The following PCDHGA2 variants were observed in gnomAD, a reference collection of about 807,000 sequenced individuals.
PCDHGA2 encodes protocadherin gamma-A2.
A neutral mutation model predicts 59.2 loss-of-function variants in PCDHGA2; 40 were observed. The observed-to-expected ratio is 0.68, with a 90% CI of 0.52 to 0.88. The LOEUF (loss-of-function observed/expected upper bound fraction) is 0.88. Among genes scored for constraint, PCDHGA2 ranks in the 40% least tolerant of loss-of-function variants. The probability of loss-of-function intolerance (pLI) is 0.00; values close to 1 mark genes in which losing one functional copy is unlikely to be tolerated. For missense variants in PCDHGA2, 1,226 were observed against 1,204.0 expected (o/e 1.02, Z -0.27); for synonymous variants, 560 against 526.0 (o/e 1.06, Z -0.89).
In PCDHGA2 at chr5:141,361,408, A is replaced by C. The variant is rs1561523474; in HGVS notation, c.2424+20013A>C. ...AGAATACAATCTCACCATCACAGCC[A>C]CCGACGGGGGCAAGCCGCCCCTCTC... On this transcript the variant is annotated intron_variant, in intron 1 of 3. Coordinates refer to ENST00000394576, the MANE Select transcript of PCDHGA2 (RefSeq NM_018915.4). The C allele has an allele frequency of 3.1e-6, 5 of 1,614,054 alleles. No homozygotes were observed. In the South Asian group the frequency reaches 5.5e-5, roughly 18 times the overall value.
At chr5:141,356,246 T>A (rs1421799660) in intron 1 of PCDHGA2, 2 of 1,579,642 alleles carry the variant, frequency 1.3e-6, no homozygotes, top group African/African-American at 1.3e-5. Context: ...GAAGTCACAG[T>A]TACATCTCTC....
intron 1 of PCDHGA2, chr5:141,341,774 CCT>C: frequency 5.7e-6 from 2 of 353,772 alleles, no homozygotes; most frequent in Non-Finnish European, 5.1e-6. Flanking sequence ...TTACTCAAGT[CCT>C]TTCTTCTTTT....
chr5:141,393,805 C>T (rs1266380650), intron 1 of PCDHGA2: 3 of 1,613,914 alleles, frequency 1.9e-6, no homozygotes, highest in South Asian at 1.1e-5. Flanking sequence ...CTGGGGAGGA[C>T]CAAATTGCTC....
At position 141,343,991 on chromosome 5, in the gene PCDHGA2, A is replaced by T. The variant is rs958228481; in HGVS notation, c.2424+2596A>T. On this transcript the variant is annotated intron_variant, in intron 1 of 3. Coordinates refer to ENST00000394576, the MANE Select transcript of PCDHGA2 (RefSeq NM_018915.4). ...AAATAAGATTGGAGTCCGTCGTAGG[A>T]AACTGGAACCGAATTCAGAGAAAGC... is the stretch of plus-strand genomic sequence containing the variant. 2.7e-6 allele frequency: 4 copies of T among 1,477,866 alleles called. No individual in the cohort carries two copies. The East Asian group carries it at 9.4e-5, about 35-fold the overall frequency. 91.5% of individuals were successfully genotyped at this position (1,477,866 alleles called of 1,614,324 possible). A position where few individuals can be genotyped will look rare whatever the true frequency, so the allele number is the denominator to read the frequency against.
intron 1 of PCDHGA2, among the ~76,000 whole-genome samples, chr5:141,448,813 C>T (rs1020956433): frequency 2.0e-5 from 3 of 151,800 alleles, no homozygotes; most frequent in Admixed American, 1.3e-4. Context: ...GGCGTGATGG[C>T]GGGCGCCTGT....
rs1410729947 is a variant in PCDHGA2 at position 141,493,256 on chromosome 5, T to TA, written c.2425-1550dup. 3.3e-5 allele frequency among the ~76,000 whole-genome samples: 5 copies of TA among 152,306 alleles called. No homozygotes were observed. The highest frequency in any genetic ancestry group is 1.2e-4 in the African/African-American group (5 of 41,570). ...TGGCTAGGTACTAACATGCCTCTCT[T>TA]ATAACAGCTTCACAGAGGTCAAGTG... On this transcript the variant is annotated intron_variant, in intron 1 of 3. Transcript: ENST00000394576. This position sits in a 1 kb window ranked among gnomAD's most constrained non-coding sequence, Gnocchi z 4.3.
intron 1 of PCDHGA2, chr5:141,415,403 A>C (rs757508926): frequency 4.3e-6 from 7 of 1,614,082 alleles, no homozygotes; most frequent in Non-Finnish European, 4.2e-6. Context: ...TCCGGCTCGC[A>C]CTTTGTGGGC....
intron 1 of PCDHGA2, chr5:141,362,068 G>T (rs62621761): frequency 1.9e-6 from 3 of 1,612,342 alleles, no homozygotes; most frequent in African/African-American, 1.3e-5. Flanking sequence ...CCTGCTGGTC[G>T]CTGTGCGTGA....
At chr5:141,360,531 A>C in intron 1 of PCDHGA2, 2 of 1,613,990 alleles carry the variant, frequency 1.2e-6, no homozygotes, top group Non-Finnish European at 1.7e-6. Flanking sequence ...ATACCCCGCT[A>C]TTCAAACAGA....
chr5:141,442,014 G>T, intron 1 of PCDHGA2: 1 of 220,044 alleles, frequency 4.5e-6, no homozygotes, highest in Non-Finnish European at 9.2e-6. Flanking sequence ...TCGCACGATG[G>T]GCCACAGGAA....
At chr5:141,445,086 A>T (rs190267063) in intron 1 of PCDHGA2, among the ~76,000 whole-genome samples, 163 of 152,322 alleles carry the variant, frequency 1.1e-3, no homozygotes, top group African/African-American at 3.6e-3. Flanking sequence ...TTGTCCCTAC[A>T]TATTTGATGT....
At position 141,486,045 on chromosome 5, in the gene PCDHGA2, A is replaced by G. The variant is rs2099623524; in HGVS notation, c.2425-8762A>G. The G allele has an allele frequency of 4.3e-6, 7 of 1,613,428 alleles. No individual in the cohort carries two copies. The highest frequency in any genetic ancestry group is 5.1e-6 in the Non-Finnish European group (6 of 1,179,858). ...GGTCATACCCCTGATCGTGTAAGAA[A>G]CCTCTTTAGCCTGCACCCCACTACT... On this transcript the variant is annotated intron_variant, in intron 1 of 3. Coordinates refer to ENST00000394576, the MANE Select transcript of PCDHGA2 (RefSeq NM_018915.4). This position sits in a 1 kb window ranked among gnomAD's most constrained non-coding sequence, Gnocchi z 5.0.
chr5:141,428,395 G>A, intron 1 of PCDHGA2: 1 of 488,280 alleles, frequency 2.0e-6, no homozygotes, highest in Non-Finnish European at 3.8e-6. Flanking sequence ...CAGCCCCTCT[G>A]CCTGGGGTTG....
chr5:141,464,310 A>T lies in PCDHGA2; in HGVS notation c.2425-30497A>T, dbSNP rs1327900308. ...AAAAAACTCCATTGTATGTGCACAT[A>T]TCATTATCTGTTCAACCCATCTATG... On this transcript the variant is annotated intron_variant, in intron 1 of 3. Coordinates refer to ENST00000394576, the MANE Select transcript of PCDHGA2 (RefSeq NM_018915.4). 2.0e-5 allele frequency among the ~76,000 whole-genome samples: 3 copies of T among 151,494 alleles called. No homozygotes were observed. The East Asian group carries it at 5.8e-4, about 29-fold the overall frequency.
At chr5:141,389,332 G>A in intron 1 of PCDHGA2, 2 of 1,613,980 alleles carry the variant, frequency 1.2e-6, no homozygotes, top group Non-Finnish European at 8.5e-7. Context: ...GGGCCCAACG[G>A]CCAAGTCTCT....
chr5:141,344,822 G>C, intron 1 of PCDHGA2: 1 of 1,613,948 alleles, frequency 6.2e-7, no homozygotes, highest in South Asian at 1.1e-5. Context: ...GGCTGCTCAC[G>C]GTGAATGCCA....
chr5:141,357,871 C>T (rs1760751635), intron 1 of PCDHGA2: 1 of 563,570 alleles, frequency 1.8e-6, no homozygotes, highest in African/African-American at 1.9e-5. Context: ...AATTTTACAA[C>T]TCTGAGCCAC....
At chr5:141,374,350 G>C (rs2150038987) in intron 1 of PCDHGA2, 1 of 1,614,038 alleles carries the variant, frequency 6.2e-7, no homozygotes, top group Non-Finnish European at 8.5e-7. Context: ...CCGCGGGTAG[G>C]ATAGACCGCG....
intron 1 of PCDHGA2, among the ~76,000 whole-genome samples, chr5:141,494,463 C>G (rs1178793763): frequency 6.6e-6 from 1 of 152,154 alleles, no homozygotes; most frequent in Non-Finnish European, 1.5e-5. Context: ...TTGTCTGCAC[C>G]TCTTCCCCCA....
Sources: allele counts gnomAD v4.1 joint callset (sites outside exome capture counted in the v4.1 genomes callset), GRCh38; gene constraint gnomAD v4.1.1; non-coding constraint Gnocchi (gnomAD v3.1); transcripts MANE v1.5; gene names NCBI Gene and HGNC (gene_info 2026-07-23, HGNC 2026-07-21).